The following AHR variants were observed in gnomAD, a reference collection of about 807,000 sequenced individuals.
The protein encoded by AHR is AH-receptor.
In AHR, 40 loss-of-function variants were observed where a neutral mutation model predicts 86.8. The observed-to-expected ratio is 0.46, with a 90% CI of 0.36 to 0.60. The LOEUF is 0.60. Ranked by LOEUF, AHR falls within the 20% of genes least tolerant of loss-of-function variation. The probability of loss-of-function intolerance (pLI) is 0.00; values close to 1 mark genes in which losing one functional copy is unlikely to be tolerated. For synonymous variants in AHR, 398 were observed against 354.9 expected (o/e 1.12, Z -1.37); for missense variants, 1,001 against 1,011.6 (o/e 0.99, Z 0.14).
rs1398938359 is a variant in AHR, at chr7:17,299,071, C to T, written c.-194C>T. On this transcript the variant is annotated 5_prime_UTR_variant, in exon 1 of 11. Coordinates refer to ENST00000242057, the MANE Select transcript of AHR (RefSeq NM_001621.5). The stretch of plus-strand genomic sequence containing the variant: ...CCCAGGCAGCTCACCTGTACTGGCG[C>T]GGGCTGCGGAAGCCTGCGTGAGCCG... 183 of 563,842 alleles carry T rather than the reference C, an allele frequency of 3.2e-4. No individual in the cohort carries two copies. The highest frequency in any genetic ancestry group is 5.6e-5 in the Non-Finnish European group (19 of 339,806). The allele number at this position is 563,842 out of a possible 1,614,324, so 34.9% of individuals were successfully genotyped here.
rs1415804604 is a variant in AHR, at chr7:17,339,629, C to G, written c.1804C>G (p.Gln602Glu). The G allele has an allele frequency of 1.2e-6, 2 of 1,613,958 alleles. No individual in the cohort carries two copies. The highest frequency in any genetic ancestry group is 3.3e-5 in the Admixed American group (2 of 60,008). ...CTTCATACCTTCAGATTATCAACAG[C>G]AACAGTCCTTGGCTCTGAACTCAAG... ...SPFIPSDYQQ[Q>E]QSLALNSSCM... The change falls in exon 10 of 11, where the codon CAA (glutamine) becomes GAA (glutamate). Residue 602 changes from glutamine (Q) to glutamate (E), a missense_variant. Around this residue, in one of 2 missense-constraint regions of AHR, gnomAD observed 607 missense variants for 543.1 expected, o/e 1.12. Coordinates refer to ENST00000242057, the MANE Select transcript of AHR (RefSeq NM_001621.5).
chr7:17,303,137 A>G (rs181025142), intron 1 of AHR, among the ~76,000 whole-genome samples: 7 of 152,224 alleles, frequency 4.6e-5, no homozygotes, highest in Admixed American at 2.6e-4. Context: ...TAATATGACA[A>G]AAGATGACTG....
intron 1 of AHR, 44 bp downstream of exon 1, chr7:17,299,373 A>C: frequency 1.9e-6 from 3 of 1,601,934 alleles, no homozygotes; most frequent in Non-Finnish European, 2.6e-6. Context: ...CTGGGCGCTC[A>C]GGCACGCGGG....
At chr7:17,317,329 C>A (rs933193637) in intron 2 of AHR, among the ~76,000 whole-genome samples, 2 of 151,970 alleles carry the variant, frequency 1.3e-5, no homozygotes, top group African/African-American at 2.4e-5. Context: ...CAAATCTGGA[C>A]ACTTGGAAAA....
intron 10 of AHR, among the ~76,000 whole-genome samples, chr7:17,340,496 C>G (rs1329150614): frequency 6.6e-6 from 1 of 151,726 alleles, no homozygotes; most frequent in Non-Finnish European, 1.5e-5. Context: ...TATAAGATGA[C>G]CTAAATTACC....
Position 17,339,057 on chromosome 7 carries a change from C to G in AHR, c.1232C>G (p.Ala411Gly), listed in dbSNP as rs893263190. The G allele has an allele frequency of 5.0e-6, 8 of 1,613,958 alleles. No individual in the cohort carries two copies. In the African/African-American group the frequency reaches 1.1e-4, roughly 22 times the overall value. Residue 411 changes from alanine to glycine, a missense_variant, in exon 10 of 11, where the codon GCT becomes GGT. Ala to Gly is a moderately conservative substitution (Grantham distance 60). Coordinates refer to ENST00000242057, the MANE Select transcript of AHR (RefSeq NM_001621.5). ...KLPFMFTTGE[A>G]VLYEATNPFP... ...CCTTTTATGTTTACCACTGGAGAAG[C>G]TGTGTTGTATGAGGCAACCAACCCT...
chr7:17,332,170 T>C (rs1782303538), intron 6 of AHR, among the ~76,000 whole-genome samples: 1 of 151,956 alleles, frequency 6.6e-6, no homozygotes, highest in African/African-American at 2.4e-5. Context: ...AGCAAACCTG[T>C]GTTGCCAGTC....
intron 2 of AHR, among the ~76,000 whole-genome samples, chr7:17,310,522 C>T (rs950777852): frequency 4.0e-5 from 6 of 150,882 alleles, no homozygotes; most frequent in Non-Finnish European, 7.4e-5. Context: ...TCCAAACTTA[C>T]GTATATTTCT....
chr7:17,335,850 C>T, intron 9 of AHR, 64 bp downstream of exon 9: 1 of 1,492,918 alleles, frequency 6.7e-7, no homozygotes, highest in Non-Finnish European at 9.1e-7. Flanking sequence ...TATGTGAAAG[C>T]ATAAAAATAA....
At chr7:17,338,034 C>T (rs1481573487) in intron 9 of AHR, among the ~76,000 whole-genome samples, 1 of 151,214 alleles carries the variant, frequency 6.6e-6, no homozygotes, top group Non-Finnish European at 1.5e-5. Flanking sequence ...CCCGTCTCTA[C>T]TAAAAATACA....
intron 6 of AHR, among the ~76,000 whole-genome samples, chr7:17,333,701 C>G (rs538052319): frequency 6.6e-6 from 1 of 151,854 alleles, no homozygotes; most frequent in South Asian, 2.1e-4. Context: ...GTTCACTTAT[C>G]CCTTTAGAAT....
intron 1 of AHR, among the ~76,000 whole-genome samples, chr7:17,307,157 A>C (rs1345904668): frequency 6.6e-6 from 1 of 152,104 alleles, no homozygotes; most frequent in African/African-American, 2.4e-5. Context: ...GCAGTACCAC[A>C]TGGAGGGATA....
chr7:17,322,190 AGTTCTTTG>A (rs1337475337), intron 2 of AHR, among the ~76,000 whole-genome samples: 2 of 151,996 alleles, frequency 1.3e-5, no homozygotes, highest in Admixed American at 1.3e-4. Context: ...AGTGTTGTGC[AGTTCTTTG>A]AAACTCCTAA....
intron 2 of AHR, 139 bp from the exon 3 acceptor site, chr7:17,322,362 C>T: frequency 1.6e-6 from 1 of 618,892 alleles, no homozygotes; most frequent in East Asian, 2.8e-5. Context: ...TTATTATTTA[C>T]CTTGTTTTAG....
chr7:17,343,000 A>C lies in AHR; in HGVS notation c.2483A>C (p.Gln828Pro), dbSNP rs773198510. ...AACACTCAGACTACCACACATCTTCAGCCACTTCATCATCCGTCAGAAGCC... is the reference window on the plus strand; with the variant it reads ...AACACTCAGACTACCACACATCTTCCGCCACTTCATCATCCGTCAGAAGCC... ...INNTQTTTHL[Q>P]PLHHPSEARP... is the part of the protein sequence containing the mutation. The change falls in exon 11 of 11, where the codon CAG becomes CCG. Residue 828 changes from glutamine to proline, a missense_variant. By Grantham distance (76) the Gln-to-Pro change is moderately conservative. Coordinates refer to ENST00000242057, the MANE Select transcript of AHR (RefSeq NM_001621.5). 1 of 1,613,906 alleles carries C rather than the reference A, an allele frequency of 6.2e-7. No individual in the cohort carries two copies. Among genetic ancestry groups the C allele is most frequent in the South Asian group, 1.1e-5 (1 of 91,066 alleles).
chr7:17,334,816 A>G (rs1782337858), intron 7 of AHR, 71 bp from the exon 8 acceptor site: 4 of 1,125,638 alleles, frequency 3.6e-6, no homozygotes, highest in African/African-American at 1.6e-5. Flanking sequence ...AAACCAATGA[A>G]TTTATCTTGG....
At chr7:17,324,377 A>C (rs1782205949) in intron 3 of AHR, among the ~76,000 whole-genome samples, 1 of 152,174 alleles carries the variant, frequency 6.6e-6, no homozygotes, top group Non-Finnish European at 1.5e-5. Context: ...ATTGCAACCG[A>C]CGGTTATCAG....
intron 3 of AHR, among the ~76,000 whole-genome samples, chr7:17,325,798 T>C (rs1782222678): frequency 6.6e-6 from 1 of 152,150 alleles, no homozygotes; most frequent in Non-Finnish European, 1.5e-5. Context: ...GTTTAGAGGC[T>C]GCAGGGTGGG....
At chr7:17,329,218 G>T (rs1224254926) in intron 4 of AHR, among the ~76,000 whole-genome samples, 1 of 151,876 alleles carries the variant, frequency 6.6e-6, no homozygotes, top group African/African-American at 2.4e-5. Flanking sequence ...CTATCAAACT[G>T]TTTTTTAGTT....
Sources: gnomAD v4.1 joint callset for allele counts (sites outside exome capture counted in the v4.1 genomes callset) on GRCh38, gnomAD v4.1.1 for gene constraint, gnomAD v4.1.1 regional missense constraint, MANE v1.5 for transcripts, NCBI Gene and HGNC (gene_info 2026-07-23, HGNC 2026-07-21) for gene names.